THBS4: variants seen among roughly 807,000 people sequenced by gnomAD.
THBS4 encodes the protein thrombospondin-4.
In THBS4, 90 loss-of-function variants were observed where a neutral mutation model predicts 115.7. The ratio of observed to expected loss-of-function variants is 0.78; its 90% confidence interval spans 0.66 to 0.93. The LOEUF (loss-of-function observed/expected upper bound fraction) is 0.93, where lower values mean the gene tolerates loss of function less well. Among genes scored for constraint, THBS4 ranks in the 40% least tolerant of loss-of-function variants. The pLI is 0.00. For synonymous variants in THBS4, 460 were observed against 479.3 expected (o/e 0.96, Z 0.53); for missense variants, 1,087 against 1,232.7 (o/e 0.88, Z 1.77).
At position 80,083,218 on chromosome 5, in the gene THBS4, T is replaced by A. The variant is rs1480462103; in HGVS notation, c.*77T>A. On this transcript the variant is annotated 3_prime_UTR_variant, in exon 22 of 22. Transcript: ENST00000350881. Reference sequence around the variant, plus strand: ...TTTAACTTCAATTTTCTTTAGCTTTTACCAACCCAAATATATCAAAACGTT... The same window carrying A: ...TTTAACTTCAATTTTCTTTAGCTTTAACCAACCCAAATATATCAAAACGTT... The A allele has an allele frequency of 7.7e-7, 1 of 1,305,072 alleles. No individual in the cohort carries two copies. The highest frequency in any genetic ancestry group is 1.1e-6 in the Non-Finnish European group (1 of 900,436). 80.8% of individuals were successfully genotyped at this position (1,305,072 alleles called of 1,614,324 possible).
chr5:80,052,470 G>A (rs868328488), intron 2 of THBS4: 9 of 151,694 alleles, frequency 5.9e-5, no homozygotes, highest in East Asian at 5.8e-4. Flanking sequence ...ATTTATATAC[G>A]TCTTACCATT....
At chr5:80,034,672 A>G (rs1444218030), upstream of THBS4, among the ~76,000 whole-genome samples, 2 of 152,330 alleles carry the variant, frequency 1.3e-5, no homozygotes, top group Non-Finnish European at 2.9e-5. Context: ...AATTATCCAT[A>G]AAGCACAGAT....
At chr5:80,071,994 G>A (rs1237166625) in intron 13 of THBS4, 2 of 349,806 alleles carry the variant, frequency 5.7e-6, no homozygotes, top group Non-Finnish European at 1.1e-5. Flanking sequence ...TCCCTCTCCA[G>A]GGTCAGCCAT....
intron 1 of THBS4, among the ~76,000 whole-genome samples, chr5:79,992,912 T>G (rs941441329): frequency 3.3e-5 from 5 of 152,214 alleles, no homozygotes; most frequent in Non-Finnish European, 5.9e-5. Context: ...CCTCCCTGTT[T>G]TGAGGGTTAG....
intron 2 of THBS4, among the ~76,000 whole-genome samples, chr5:80,048,724 A>G (rs959900057): frequency 2.6e-5 from 4 of 151,958 alleles, no homozygotes; most frequent in African/African-American, 9.7e-5. Flanking sequence ...AACAGACTGC[A>G]TTTATCACAG....
chr5:79,991,343 T>A, exon 1 of THBS4: 1 of 1,032,582 alleles, frequency 9.7e-7, no homozygotes, highest in Non-Finnish European at 1.4e-6. Context: ...ATTTGGGGGC[T>A]CTTGAGAGAT....
chr5:80,082,988 G>A (rs931429098), intron 21 of THBS4, 92 bp from the exon 22 acceptor site: 3 of 1,123,618 alleles, frequency 2.7e-6, no homozygotes, highest in African/African-American at 1.6e-5. Flanking sequence ...GGCTAACAGC[G>A]CCCCCTACAG....
intron 20 of THBS4, 41 bp downstream of exon 20, chr5:80,080,118 A>C: frequency 6.3e-7 from 1 of 1,588,746 alleles, no homozygotes; most frequent in Non-Finnish European, 8.6e-7. Context: ...TCTAGAAGCA[A>C]AGCATTCTCC....
At chr5:80,072,487 C>T (rs1038102763) in intron 14 of THBS4, 91 bp downstream of exon 14, 24 of 1,178,890 alleles carry the variant, frequency 2.0e-5, no homozygotes, top group Non-Finnish European at 3.0e-5. Flanking sequence ...ACAGCAGAGC[C>T]TCTTAGCTGT....
intron 1 of THBS4, among the ~76,000 whole-genome samples, chr5:79,995,293 C>CCCA (rs1256368266): frequency 5.9e-5 from 9 of 152,098 alleles, no homozygotes; most frequent in African/African-American, 2.2e-4. Context: ...AACCCATAAA[C>CCCA]TATATTAAAT....
intron 20 of THBS4, 143 bp from the exon 21 acceptor site, chr5:80,082,263 A>T: frequency 8.8e-7 from 1 of 1,133,324 alleles, no homozygotes; most frequent in Non-Finnish European, 1.3e-6. Flanking sequence ...CTACAGTACA[A>T]TCCAGGTCAG....
chr5:79,999,705 G>A (rs535053178), intron 2 of THBS4, among the ~76,000 whole-genome samples: 1 of 152,280 alleles, frequency 6.6e-6, no homozygotes, highest in East Asian at 1.9e-4. Context: ...GCTTTAAACA[G>A]CAAAGTCTCC....
chr5:80,052,272 A>G (rs776009254), intron 2 of THBS4: 2 of 152,164 alleles, frequency 1.3e-5, no homozygotes, highest in Non-Finnish European at 2.9e-5. Context: ...CATTAAAAAA[A>G]TTTTCAGATA....
In THBS4 at chr5:80,035,396, G is replaced by A. The variant is rs1832679800; in HGVS notation, c.-142G>A. The A allele has an allele frequency of 2.8e-6, 1 of 362,492 alleles. No individual in the cohort carries two copies. The highest frequency in any genetic ancestry group is 4.4e-6 in the Non-Finnish European group (1 of 228,746). The allele number at this position is 362,492 out of a possible 1,614,324, so 22.5% of individuals were successfully genotyped here. A position where few individuals can be genotyped will look rare whatever the true frequency, so the allele number is the denominator to read the frequency against. The stretch of plus-strand genomic sequence containing the variant: ...ACGGCGGGGACGCGAGCGCGCCCCC[G>A]ACGGCAGCCCGGACGCCGAGCACGG... On this transcript the variant is annotated 5_prime_UTR_variant, in exon 1 of 22. Coordinates refer to ENST00000350881, the MANE Select transcript of THBS4 (RefSeq NM_003248.6). This position sits in a 1 kb window ranked among gnomAD's most constrained non-coding sequence, Gnocchi z 4.6.
At chr5:80,057,094 T>C (rs1383756444) in intron 3 of THBS4, among the ~76,000 whole-genome samples, 1 of 152,210 alleles carries the variant, frequency 6.6e-6, no homozygotes, top group Non-Finnish European at 1.5e-5. Context: ...AGATTTTTAA[T>C]GTAGATTTAC....
chr5:80,081,415 C>T (rs1370210058), intron 20 of THBS4, among the ~76,000 whole-genome samples: 8 of 151,994 alleles, frequency 5.3e-5, no homozygotes, highest in African/African-American at 1.9e-4. Context: ...AATGTGAGCC[C>T]TAACAATATC....
chr5:80,066,648 A>G (rs1314424213), intron 9 of THBS4: 1 of 152,254 alleles, frequency 6.6e-6, no homozygotes, highest in African/African-American at 2.4e-5. Flanking sequence ...GACTAAGGTC[A>G]CACATCTTCC....
chr5:80,079,343 T>C (rs1743377598), intron 19 of THBS4, 85 bp downstream of exon 19: 1 of 1,403,598 alleles, frequency 7.1e-7, no homozygotes, highest in African/African-American at 1.4e-5. Context: ...ATGTGGTACT[T>C]AGTTAATCTA....
intron 1 of THBS4, chr5:80,036,165 C>T: frequency 3.0e-6 from 3 of 985,450 alleles, no homozygotes; most frequent in Non-Finnish European, 3.6e-6. Context: ...GGCTTGATGT[C>T]TTAATTTCTG....
Sources: gnomAD v4.1 joint callset for allele counts (sites outside exome capture counted in the v4.1 genomes callset) on GRCh38, gnomAD v4.1.1 for gene constraint, Gnocchi (gnomAD v3.1) non-coding constraint, MANE v1.5 for transcripts, NCBI Gene and HGNC (gene_info 2026-07-23, HGNC 2026-07-21) for gene names.